MATN2: variants seen among roughly 807,000 people sequenced by gnomAD.
MATN2 encodes matrilin 2.
Under a neutral mutation model 103.2 loss-of-function variants are expected in MATN2, and 69 were observed. The ratio of observed to expected loss-of-function variants is 0.67; its 90% CI spans 0.55 to 0.82. MATN2 has a LOEUF of 0.82. Among genes scored for constraint, MATN2 ranks in the 40% least tolerant of loss-of-function variants. The pLI is 0.00. For synonymous variants in MATN2, 429 were observed against 450.2 expected, an observed-to-expected ratio of 0.95 and a Z score of 0.60; for missense variants, 1,023 against 1,211.5, an observed-to-expected ratio of 0.84 and a Z score of 2.31.
chr8:98,033,253 A>G (rs1286575713), intron 17 of MATN2, 77 bp downstream of exon 17: 7 of 1,285,544 alleles, frequency 5.4e-6, no homozygotes, highest in African/African-American at 1.5e-5. Context: ...AGCTTTAAGG[A>G]GGAAAGGAAA....
intron 5 of MATN2, among the ~76,000 whole-genome samples, chr8:97,964,329 C>G (rs748120183): frequency 2.6e-5 from 4 of 152,128 alleles, no homozygotes; most frequent in South Asian, 2.1e-4. Flanking sequence ...TGGACATACT[C>G]CATTAGTAGC....
At chr8:97,977,065 G>A (rs1487318084) in intron 5 of MATN2, among the ~76,000 whole-genome samples, 17 of 151,468 alleles carry the variant, frequency 1.1e-4, no homozygotes, top group South Asian at 6.3e-4. Flanking sequence ...GTGAAACCCC[G>A]TTCCTACTAA....
intron 4 of MATN2, among the ~76,000 whole-genome samples, chr8:97,945,835 A>G (rs1356072640): frequency 6.6e-6 from 1 of 151,764 alleles, no homozygotes; most frequent in Non-Finnish European, 1.5e-5. Context: ...TGGCTATTAG[A>G]CTTCTGGCTT....
At chr8:97,893,348 C>T (rs1025776600) in intron 2 of MATN2, among the ~76,000 whole-genome samples, 1 of 152,184 alleles carries the variant, frequency 6.6e-6, no homozygotes, top group African/African-American at 2.4e-5. Flanking sequence ...CACCCATCCC[C>T]TTCCACACTC....
chr8:97,965,768 G>A (rs895142831), intron 5 of MATN2, among the ~76,000 whole-genome samples: 8 of 151,876 alleles, frequency 5.3e-5, no homozygotes, highest in Non-Finnish European at 1.5e-5. Flanking sequence ...ATCACCTGAG[G>A]TCAGGAGTTT....
intron 6 of MATN2, among the ~76,000 whole-genome samples, chr8:97,989,244 C>T (rs1053063444): frequency 6.6e-6 from 1 of 152,028 alleles, no homozygotes; most frequent in African/African-American, 2.4e-5. Context: ...CCGAGGCGGG[C>T]GGATCATGAG....
intron 2 of MATN2, among the ~76,000 whole-genome samples, chr8:97,918,283 G>C (rs1223249008): frequency 6.6e-6 from 1 of 152,150 alleles, no homozygotes; most frequent in Non-Finnish European, 1.5e-5. Context: ...CCCCTGCACT[G>C]TGAGCTTCTT....
At chr8:97,951,215 C>T (rs549895272) in intron 4 of MATN2, among the ~76,000 whole-genome samples, 2 of 152,312 alleles carry the variant, frequency 1.3e-5, no homozygotes, top group African/African-American at 2.4e-5. Context: ...TCATTTTGTG[C>T]AGTCTGCTCA....
At chr8:98,013,285 A>G (rs1208135837) in intron 10 of MATN2, among the ~76,000 whole-genome samples, 1 of 152,198 alleles carries the variant, frequency 6.6e-6, no homozygotes, top group Non-Finnish European at 1.5e-5. Context: ...GAAGGGCAGA[A>G]ACTGGACATT....
At chr8:97,996,367 G>A (rs1812587754) in intron 7 of MATN2, among the ~76,000 whole-genome samples, 1 of 152,134 alleles carries the variant, frequency 6.6e-6, no homozygotes, top group Non-Finnish European at 1.5e-5. Context: ...GGAAGAGCGA[G>A]TAGAGAGGGA....
At chr8:97,869,420 C>G (rs1817818102) in intron 1 of MATN2, 133 bp downstream of exon 1, 1 of 148,182 alleles carries the variant, frequency 6.7e-6, no homozygotes, top group Admixed American at 6.8e-5. Context: ...CGCACTGCAG[C>G]CCCCAGCGCC....
intron 4 of MATN2, among the ~76,000 whole-genome samples, chr8:97,944,446 G>A (rs943475070): frequency 2.0e-5 from 3 of 152,168 alleles, no homozygotes; most frequent in Non-Finnish European, 4.4e-5. Flanking sequence ...TTCAGAAGGG[G>A]ATAATACTAA....
chr8:97,913,739 C>G (rs1164492776), intron 2 of MATN2, among the ~76,000 whole-genome samples: 4 of 151,750 alleles, frequency 2.6e-5, no homozygotes, highest in Admixed American at 2.6e-4. Flanking sequence ...CTTAGTCTAC[C>G]AAGTAGCTGG....
chr8:98,003,259 T>A (rs532564971), intron 7 of MATN2, among the ~76,000 whole-genome samples: 1 of 152,300 alleles, frequency 6.6e-6, no homozygotes, highest in South Asian at 2.1e-4. Flanking sequence ...GTCCTCATGT[T>A]CTTCTTCCTG....
intron 6 of MATN2, among the ~76,000 whole-genome samples, chr8:97,991,533 G>A (rs574307169): frequency 1.3e-5 from 2 of 152,128 alleles, no homozygotes; most frequent in South Asian, 4.1e-4. Flanking sequence ...AACAGCCTGG[G>A]CAACACGGTG....
intron 16 of MATN2, 125 bp downstream of exon 16, chr8:98,032,442 C>A: frequency 1.4e-6 from 1 of 697,654 alleles, no homozygotes; most frequent in Non-Finnish European, 2.5e-6. Flanking sequence ...GCCTTTTTTC[C>A]CTCAAAAAGA....
intron 3 of MATN2, among the ~76,000 whole-genome samples, chr8:97,938,008 G>A (rs1032046580): frequency 1.3e-5 from 2 of 152,158 alleles, no homozygotes; most frequent in Non-Finnish European, 2.9e-5. Context: ...TCCCCACGAT[G>A]CTGCCTGCTG....
At chr8:97,932,453 C>T (rs144587887) in intron 3 of MATN2, among the ~76,000 whole-genome samples, 29 of 152,346 alleles carry the variant, frequency 1.9e-4, no homozygotes, top group African/African-American at 6.0e-4. Flanking sequence ...CACCTGCCAA[C>T]TCTTTCTGCA....
rs769210728 is a variant in MATN2 at position 98,021,200 on chromosome 8, CT to C, written c.1820-4del. 3 of 1,612,816 alleles carry C rather than the reference CT, an allele frequency of 1.9e-6. No individual in the cohort carries two copies. The highest frequency in any genetic ancestry group is 2.2e-5 in the East Asian group (1 of 44,824). On this transcript the variant is annotated splice_region_variant and splice_polypyrimidine_tract_variant and intron_variant, in intron 12 of 18. Transcript: ENST00000254898. ...GGATTGTTCAACTCCCTACATTTTC[CT>C]CAGGGAAGGATGTCTGCAAATCAAC...
Sources: gnomAD v4.1 joint callset for allele counts (sites outside exome capture counted in the v4.1 genomes callset) on GRCh38, gnomAD v4.1.1 for gene constraint, MANE v1.5 for transcripts, NCBI Gene and HGNC (gene_info 2026-07-23, HGNC 2026-07-21) for gene names.